GRM4: variants seen among roughly 807,000 people sequenced by gnomAD.
The protein encoded by GRM4 is metabotropic glutamate receptor 4.
GRM4 carries 28 observed loss-of-function variants against 81.7 expected under a neutral mutation model. The observed-to-expected ratio is 0.34, with a 90% CI of 0.25 to 0.47. The LOEUF (loss-of-function observed/expected upper bound fraction) is 0.47. Among genes scored for constraint, GRM4 ranks in the 20% least tolerant of loss-of-function variants. GRM4 has a pLI of 1.00. For synonymous variants in GRM4, 488 were observed against 528.8 expected (o/e 0.92, Z 1.06); for missense variants, 948 against 1,290.0 (o/e 0.73, Z 4.06).
At position 34,047,157 on chromosome 6, in the gene GRM4, C is replaced by G. The variant is rs1017494762; in HGVS notation, c.1169-6409G>C. ...GGGAGATGCAACACCATGTCTTGTG[C>G]ACAGAAGTCCTCTCTCAGCCTCAGC... On this transcript the variant is annotated intron_variant, in intron 6 of 10. Transcript: ENST00000538487. The surrounding 1 kb of genome is among the most constrained non-coding windows in gnomAD (Gnocchi z 4.5). Among the ~76,000 whole-genome samples the G allele has an allele frequency of 6.6e-6, 1 of 152,094 alleles. No homozygotes were observed. Among genetic ancestry groups the G allele is most frequent in the Non-Finnish European group, 1.5e-5 (1 of 68,022 alleles).
At chr6:34,100,073 A>T in intron 2 of GRM4, 3 of 983,132 alleles carry the variant, frequency 3.1e-6, no homozygotes, top group Non-Finnish European at 3.6e-6. Context: ...TCCTGCCCTG[A>T]GCATCTGGTC....
At position 34,064,494 on chromosome 6, in the gene GRM4, G is replaced by A. The variant is rs967527470; in HGVS notation, c.737-2466C>T. 6.6e-6 allele frequency among the ~76,000 whole-genome samples: 1 copy of A among 152,216 alleles called. No individual in the cohort carries two copies. Among genetic ancestry groups the A allele is most frequent in the African/African-American group, 2.4e-5 (1 of 41,454 alleles). On this transcript the variant is annotated intron_variant, in intron 3 of 10. Transcript: ENST00000538487. This position sits in a 1 kb window ranked among gnomAD's most constrained non-coding sequence, Gnocchi z 4.4. ...TGAATGGATAGGATTGTGGAGTTGAGGGGGCTTGTGGGCCCATGGGCATGA... is the reference window on the plus strand; with the variant it reads ...TGAATGGATAGGATTGTGGAGTTGAAGGGGCTTGTGGGCCCATGGGCATGA...
At position 34,045,214 on chromosome 6, in the gene GRM4, G is replaced by C. The variant is rs528030301; in HGVS notation, c.1169-4466C>G. Among the ~76,000 whole-genome samples, 18 of 152,332 alleles carry C rather than the reference G, an allele frequency of 1.2e-4. No homozygotes were observed. In the East Asian group the frequency reaches 3.3e-3, roughly 28 times the overall value. ...CTCACTAAACAAGACAGGACGCTCT[G>C]GCCTAAATGAGCAGCTGCAACTATG... is the stretch of plus-strand genomic sequence containing the variant. On this transcript the variant is annotated intron_variant, in intron 6 of 10. Transcript: ENST00000538487.
Position 34,084,833 on chromosome 6 carries a change from C to T in GRM4, c.736+7050G>A, listed in dbSNP as rs535809369. Among the ~76,000 whole-genome samples, 13 of 152,328 alleles carry T rather than the reference C, an allele frequency of 8.5e-5. No individual in the cohort carries two copies. The South Asian group carries it at 2.7e-3, about 32-fold the overall frequency. ...TTTCCTTCCTCCTCTTGTCCAAATACACCTCCTCCAAGCCCTGCTTGCCTG... is the reference window on the plus strand; with the variant it reads ...TTTCCTTCCTCCTCTTGTCCAAATATACCTCCTCCAAGCCCTGCTTGCCTG... On this transcript the variant is annotated intron_variant, in intron 3 of 10. Transcript: ENST00000538487.
chr6:34,107,338 C>G (rs924047846), intron 2 of GRM4, among the ~76,000 whole-genome samples: 2 of 152,128 alleles, frequency 1.3e-5, no homozygotes, highest in African/African-American at 4.8e-5. Context: ...TGGACACATT[C>G]AGAATATACC....
At chr6:34,083,732 A>G (rs749897589) in intron 3 of GRM4, among the ~76,000 whole-genome samples, 22 of 152,196 alleles carry the variant, frequency 1.4e-4, no homozygotes, top group Non-Finnish European at 2.6e-4. Flanking sequence ...CTGGTGGAAC[A>G]GTACAGAGGC....
At chr6:34,058,812 G>T (rs1038404381) in intron 5 of GRM4, among the ~76,000 whole-genome samples, 162 bp downstream of exon 5, 4 of 141,866 alleles carry the variant, frequency 2.8e-5, no homozygotes, top group African/African-American at 1.1e-4. Flanking sequence ...TGGCCTAAAA[G>T]AACTCCCAGC....
chr6:34,139,308 C>T (rs917943743), intron 1 of GRM4, among the ~76,000 whole-genome samples: 1 of 152,224 alleles, frequency 6.6e-6, no homozygotes, highest in African/African-American at 2.4e-5. Flanking sequence ...GGGTGGAATG[C>T]CCCAGAGGAG....
chr6:34,029,196 C>T (rs929370829), intron 9 of GRM4, among the ~76,000 whole-genome samples: 1 of 152,166 alleles, frequency 6.6e-6, no homozygotes, highest in African/African-American at 2.4e-5. Flanking sequence ...CCAAAGGAGA[C>T]CCAGGCTAGG....
chr6:34,025,808 T>C (rs1048473085), intron 10 of GRM4, among the ~76,000 whole-genome samples: 6 of 152,180 alleles, frequency 3.9e-5, no homozygotes, highest in Admixed American at 1.3e-4. Flanking sequence ...ATCTGTAAGA[T>C]GGGGTGATAA....
Position 34,111,398 on chromosome 6 carries a change from A to C in GRM4, c.520-19299T>G, listed in dbSNP as rs1561819632. ...AGTACAACCAACCGTGCACACACACACACACACACACACAAACACACACAC... is the reference window on the plus strand; with the variant it reads ...AGTACAACCAACCGTGCACACACACCCACACACACACACAAACACACACAC... On this transcript the variant is annotated intron_variant, in intron 2 of 10. Coordinates refer to ENST00000538487, the MANE Select transcript of GRM4 (RefSeq NM_000841.4). This position sits in a 1 kb window ranked among gnomAD's most constrained non-coding sequence, Gnocchi z 5.1. 2.0e-5 allele frequency among the ~76,000 whole-genome samples: 3 copies of C among 152,092 alleles called. No homozygotes were observed. The highest frequency in any genetic ancestry group is 2.0e-4 in the Admixed American group (3 of 15,254).
intron 3 of GRM4, among the ~76,000 whole-genome samples, chr6:34,079,189 C>T (rs1767463500): frequency 6.6e-6 from 1 of 152,208 alleles, no homozygotes; most frequent in African/African-American, 2.4e-5. Context: ...CGCTCTCTGC[C>T]AGGGCCAGCC....
chr6:34,022,514 A>C lies in GRM4; in HGVS notation c.*307T>G, dbSNP rs1370740215. 1.4e-5 allele frequency: 6 copies of C among 433,394 alleles called. No individual in the cohort carries two copies. Among genetic ancestry groups the C allele is most frequent in the Non-Finnish European group, 2.1e-5 (5 of 238,396 alleles). 26.8% of individuals were successfully genotyped at this position (433,394 alleles called of 1,614,324 possible). On this transcript the variant is annotated 3_prime_UTR_variant, in exon 11 of 11. Transcript: ENST00000538487. This position sits in a 1 kb window ranked among gnomAD's most constrained non-coding sequence, Gnocchi z 5.6. ...AGCACAGACAGAGACGAAGGGAGGGAGAGATCTAGCACTGGGGCCCACACG... is the reference window on the plus strand; with the variant it reads ...AGCACAGACAGAGACGAAGGGAGGGCGAGATCTAGCACTGGGGCCCACACG...
chr6:34,036,020 G>A lies in GRM4; in HGVS notation c.2090C>T (p.Ala697Val). The A allele has an allele frequency of 6.2e-7, 1 of 1,614,108 alleles. No homozygotes were observed. The highest frequency in any genetic ancestry group is 8.5e-7 in the Non-Finnish European group (1 of 1,179,976). Residue 697 changes from alanine to valine, a missense_variant, in exon 9 of 11, where the codon GCC (alanine) becomes GTC (valine). Ala to Val is a moderately conservative substitution (Grantham distance 64, BLOSUM62 0). Transcript: ENST00000538487. The surrounding 1 kb of genome is among the most constrained non-coding windows in gnomAD (Gnocchi z 9.0). Reference protein sequence around the residue: ...SVSAPRFISPASQLAITFSLI... With the variant: ...SVSAPRFISPVSQLAITFSLI... ...GCTGAAGGTGATGGCCAGCTGTGAGGCGGGGCTGATGAAGCGTGGGGCACT... is the reference window on the plus strand; with the variant it reads ...GCTGAAGGTGATGGCCAGCTGTGAGACGGGGCTGATGAAGCGTGGGGCACT...
At chr6:34,081,920 C>T (rs777113600) in intron 3 of GRM4, among the ~76,000 whole-genome samples, 13 of 152,204 alleles carry the variant, frequency 8.5e-5, no homozygotes, top group Admixed American at 8.5e-4. Context: ...GGTGAAGACG[C>T]TTTCCTGAAG....
chr6:34,143,828 T>C (rs1770804871), intron 1 of GRM4, among the ~76,000 whole-genome samples: 2 of 152,154 alleles, frequency 1.3e-5, no homozygotes, highest in South Asian at 4.1e-4. Context: ...CTGGGAGCAC[T>C]GGTCTCCCTG....
At position 34,048,631 on chromosome 6, in the gene GRM4, C is replaced by T. The variant is rs1034886801; in HGVS notation, c.1169-7883G>A. On this transcript the variant is annotated intron_variant, in intron 6 of 10. Coordinates refer to ENST00000538487, the MANE Select transcript of GRM4 (RefSeq NM_000841.4). The surrounding 1 kb of genome is among the most constrained non-coding windows in gnomAD (Gnocchi z 4.0). ...CAAGGTTTGGCTCTGTGTCCCCACC[C>T]CAAATCTCACCTCGAATCATAATCC... 6.6e-6 allele frequency among the ~76,000 whole-genome samples: 1 copy of T among 152,166 alleles called. No individual in the cohort carries two copies. The highest frequency in any genetic ancestry group is 2.1e-4 in the South Asian group (1 of 4,824).
intron 2 of GRM4, among the ~76,000 whole-genome samples, chr6:34,103,390 T>C (rs565742481): frequency 6.7e-4 from 102 of 151,916 alleles, no homozygotes; most frequent in Admixed American, 2.0e-3. Flanking sequence ...AGAAGAATAG[T>C]GGGTACGGAG....
rs117827886 is a variant in GRM4, at chr6:34,099,948, G to A, written c.520-7849C>T. 8.9e-3 allele frequency: 5,302 copies of A among 597,490 alleles called. 35 individuals are homozygous for A. Among genetic ancestry groups the A allele is most frequent in the South Asian group, 0.033 (446 of 13,504 alleles). The allele number at this position is 597,490 out of a possible 1,614,324, so 37.0% of individuals were successfully genotyped here. On this transcript the variant is annotated intron_variant, in intron 2 of 10. Transcript: ENST00000538487. The stretch of plus-strand genomic sequence containing the variant: ...CCATCTGGGGAGCACCAACCCCTTC[G>A]CCACAGACCCTCCGGGAATTCGAAT...
Sources: gnomAD v4.1 joint callset for allele counts (sites outside exome capture counted in the v4.1 genomes callset) on GRCh38, gnomAD v4.1.1 for gene constraint, Gnocchi (gnomAD v3.1) non-coding constraint, MANE v1.5 for transcripts, NCBI Gene and HGNC (gene_info 2026-07-23, HGNC 2026-07-21) for gene names.